The following CREB5 variants were observed in gnomAD, a reference collection of about 807,000 sequenced individuals.
CREB5 encodes the protein cAMP responsive element binding protein 5.
Under a neutral mutation model 57.1 loss-of-function variants are expected in CREB5, and 19 were observed. That is an observed-to-expected ratio of 0.33 (90% CI 0.23 to 0.49). CREB5 has a LOEUF of 0.49. Ranked by LOEUF, CREB5 falls within the 20% of genes least tolerant of loss-of-function variation. The probability of loss-of-function intolerance (pLI) is 0.99; values close to 1 mark genes in which losing one functional copy is unlikely to be tolerated. For synonymous variants in CREB5, 238 were observed against 238.3 expected, an observed-to-expected ratio of 1.00 and a Z score of 0.01; for missense variants, 579 against 671.6, an observed-to-expected ratio of 0.86 and a Z score of 1.52.
At chr7:28,685,426 C>T (rs977296549) in intron 5 of CREB5, among the ~76,000 whole-genome samples, 4 of 152,148 alleles carry the variant, frequency 2.6e-5, no homozygotes, top group African/African-American at 7.2e-5. Flanking sequence ...AGGTCAGATG[C>T]GAGAAGTCTC....
chr7:28,586,558 A>G (rs1476786790), intron 5 of CREB5, among the ~76,000 whole-genome samples: 2 of 152,180 alleles, frequency 1.3e-5, no homozygotes, highest in East Asian at 3.9e-4. Flanking sequence ...TCTCACATCC[A>G]TAAAGAGTAG....
At chr7:28,359,661 C>T (rs924222998) in intron 1 of CREB5, among the ~76,000 whole-genome samples, 2 of 152,016 alleles carry the variant, frequency 1.3e-5, no homozygotes, top group African/African-American at 2.4e-5. Flanking sequence ...CTGGTCTAGG[C>T]AATGATCGTT....
intron 1 of CREB5, among the ~76,000 whole-genome samples, chr7:28,401,270 T>G (rs566972963): frequency 3.0e-4 from 46 of 152,184 alleles, no homozygotes; most frequent in African/African-American, 1.1e-3. Context: ...ACATTAAATT[T>G]TATAGAGTAG....
chr7:28,804,579 C>A, intron 8 of CREB5, 57 bp downstream of exon 8: 1 of 1,569,646 alleles, frequency 6.4e-7, no homozygotes, highest in Non-Finnish European at 8.7e-7. Flanking sequence ...ACAGTGCAAG[C>A]TCTAATGCTG....
At chr7:28,792,341 G>A (rs7787400) in intron 7 of CREB5, among the ~76,000 whole-genome samples, 47,414 of 148,292 alleles carry the variant, frequency 0.32, 8,791 homozygotes, top group Non-Finnish European at 0.44. Flanking sequence ...CATATCACAT[G>A]GAAAAAAAAA....
chr7:28,805,987 A>G (rs1808706296), intron 8 of CREB5, among the ~76,000 whole-genome samples: 1 of 152,160 alleles, frequency 6.6e-6, no homozygotes, highest in African/African-American at 2.4e-5. Flanking sequence ...GTCAAACGCC[A>G]TACTAGAACA....
intron 7 of CREB5, among the ~76,000 whole-genome samples, chr7:28,765,767 A>G (rs1455788952): frequency 5.9e-5 from 9 of 152,232 alleles, no homozygotes; most frequent in Admixed American, 5.9e-4. Context: ...TACGGTGGGC[A>G]CACTGTAATG....
rs569184622 is a variant in CREB5 at position 28,453,984 on chromosome 7, C to T, written c.4-34191C>T. Among the ~76,000 whole-genome samples, 17 of 84,810 alleles carry T rather than the reference C, an allele frequency of 2.0e-4. 1 individual carries two copies. Among genetic ancestry groups the T allele is most frequent in the South Asian group, 3.9e-4 (1 of 2,538 alleles). 55.6% of individuals were successfully genotyped at this position (84,810 alleles called of 152,430 possible). On this transcript the variant is annotated intron_variant, in intron 1 of 10. Transcript: ENST00000357727. ...TTTTTTTTTTTTTGAGATGGAGTCTCGCTCTGTCGCCCAGGCTGGAGTGCA... is the reference window on the plus strand; with the variant it reads ...TTTTTTTTTTTTTGAGATGGAGTCTTGCTCTGTCGCCCAGGCTGGAGTGCA...
intron 5 of CREB5, among the ~76,000 whole-genome samples, chr7:28,599,754 G>GTTTTGT (rs3041154): frequency 0.71 from 105,724 of 148,676 alleles, 39,389 homozygotes; most frequent in East Asian, 0.96. Flanking sequence ...GTTTTGTTTT[G>GTTTTGT]TTTTTTTATT....
intron 4 of CREB5, among the ~76,000 whole-genome samples, chr7:28,537,379 CT>C (rs34698198): frequency 3.9e-4 from 58 of 149,598 alleles, no homozygotes; most frequent in African/African-American, 8.8e-4. Flanking sequence ...CACTTAAAGC[CT>C]TTTTTTTTTA....
At chr7:28,598,651 A>T (rs1309563249) in intron 5 of CREB5, among the ~76,000 whole-genome samples, 1 of 152,140 alleles carries the variant, frequency 6.6e-6, no homozygotes, top group Non-Finnish European at 1.5e-5. Flanking sequence ...TAGTGACTGA[A>T]CATCTTGTGT....
At chr7:28,415,767 A>G (rs1201789393) in intron 1 of CREB5, among the ~76,000 whole-genome samples, 1 of 152,178 alleles carries the variant, frequency 6.6e-6, no homozygotes, top group Non-Finnish European at 1.5e-5. Flanking sequence ...TTTCTCTATT[A>G]TCTGTGAGGA....
chr7:28,636,208 G>A (rs1798411802), intron 5 of CREB5, among the ~76,000 whole-genome samples: 1 of 152,066 alleles, frequency 6.6e-6, no homozygotes, highest in African/African-American at 2.4e-5. Context: ...CACAGCTATG[G>A]CCAGAAGCCA....
At chr7:28,720,813 G>T (rs1217761895) in intron 6 of CREB5, among the ~76,000 whole-genome samples, 1 of 152,182 alleles carries the variant, frequency 6.6e-6, no homozygotes, top group Non-Finnish European at 1.5e-5. Context: ...GCTTTAAGTT[G>T]TTCCCATCCA....
intron 5 of CREB5, among the ~76,000 whole-genome samples, chr7:28,593,758 G>A (rs1265078124): frequency 6.6e-6 from 1 of 152,214 alleles, no homozygotes; most frequent in East Asian, 1.9e-4. Flanking sequence ...TGCCATAGGT[G>A]ATAACTAACT....
chr7:28,784,662 T>C (rs990843479), intron 7 of CREB5, among the ~76,000 whole-genome samples: 1 of 152,164 alleles, frequency 6.6e-6, no homozygotes, highest in Non-Finnish European at 1.5e-5. Context: ...ATTTGTCTGC[T>C]ACCCTGGCAG....
intron 1 of CREB5, among the ~76,000 whole-genome samples, chr7:28,311,891 G>T (rs556533852): frequency 2.0e-5 from 3 of 152,092 alleles, no homozygotes; most frequent in African/African-American, 7.2e-5. Context: ...CCCCAGTGTC[G>T]GTCTCCCTGC....
intron 1 of CREB5, among the ~76,000 whole-genome samples, chr7:28,382,122 C>T (rs1786978082): frequency 1.3e-5 from 2 of 152,172 alleles, no homozygotes; most frequent in Non-Finnish European, 2.9e-5. Flanking sequence ...GCCAGGGATC[C>T]TGGAGTTCTG....
intron 3 of CREB5, among the ~76,000 whole-genome samples, chr7:28,502,356 T>C (rs976545961): frequency 3.2e-4 from 48 of 152,078 alleles, no homozygotes; most frequent in Admixed American, 5.9e-4. Flanking sequence ...AAGAAAGCAT[T>C]TGCTGAAATA....
Sources: allele counts gnomAD v4.1 joint callset (sites outside exome capture counted in the v4.1 genomes callset), GRCh38; gene constraint gnomAD v4.1.1; transcripts MANE v1.5; gene names NCBI Gene and HGNC (gene_info 2026-07-23, HGNC 2026-07-21).